The following ARHGAP6 variants were observed in gnomAD, a reference collection of about 807,000 sequenced individuals.
The protein encoded by ARHGAP6 is Rho GTPase activating protein 6.
In ARHGAP6, 16 loss-of-function variants were observed where a neutral mutation model predicts 55.7. The observed-to-expected ratio is 0.29, with a 90% CI of 0.19 to 0.44. The LOEUF is 0.44. Among genes scored for constraint, ARHGAP6 ranks in the 20% least tolerant of loss-of-function variants. The probability of loss-of-function intolerance (pLI) is 1.00; values close to 1 mark genes in which losing one functional copy is unlikely to be tolerated. For missense variants in ARHGAP6, 698 were observed against 808.9 expected (o/e 0.86, Z 1.66); for synonymous variants, 382 against 360.9 (o/e 1.06, Z -0.66).
intron 1 of ARHGAP6, among the ~76,000 whole-genome samples, chrX:11,535,879 A>G (rs1398841894): frequency 9.0e-6 from 1 of 111,004 alleles, no homozygotes; most frequent in East Asian, 2.8e-4. Context: ...GGAATTTAAA[A>G]CTATATTGCT....
At chrX:11,561,142 T>A (rs767311315) in intron 1 of ARHGAP6, among the ~76,000 whole-genome samples, 71 of 112,115 alleles carry the variant, frequency 6.3e-4, no homozygotes, top group South Asian at 1.5e-3. Flanking sequence ...ACAGAAGATG[T>A]TTGCCAGCCC....
chrX:11,502,451 G>T (rs1485536034), intron 1 of ARHGAP6, among the ~76,000 whole-genome samples: 4 of 112,185 alleles, frequency 3.6e-5, no homozygotes, highest in African/African-American at 1.3e-4. Context: ...ACAAAGTGAG[G>T]TGTGTATTAT....
At chrX:11,451,005 G>C (rs1417905691) in intron 1 of ARHGAP6, among the ~76,000 whole-genome samples, 4 of 111,445 alleles carry the variant, frequency 3.6e-5, no homozygotes, top group Non-Finnish European at 7.5e-5. Flanking sequence ...GTGCAGGTGA[G>C]AGACCCCAGC....
chrX:11,555,646 C>T (rs1013272177), intron 1 of ARHGAP6, among the ~76,000 whole-genome samples: 3 of 110,639 alleles, frequency 2.7e-5, no homozygotes, highest in African/African-American at 9.9e-5. Flanking sequence ...ACTGGGGAGG[C>T]TGAGGTGGGA....
chrX:11,337,224 A>G (rs2048649626), intron 1 of ARHGAP6, among the ~76,000 whole-genome samples: 1 of 111,446 alleles, frequency 9.0e-6, no homozygotes, highest in Non-Finnish European at 1.9e-5. Flanking sequence ...ACAATATAAT[A>G]TTCAATTACA....
chrX:11,489,414 A>G (rs762185762), intron 1 of ARHGAP6, among the ~76,000 whole-genome samples: 28 of 112,713 alleles, frequency 2.5e-4, no homozygotes, highest in African/African-American at 9.0e-4. Flanking sequence ...TGTCTTCTTC[A>G]GCTTAGAGCA....
At chrX:11,262,517 C>T (rs1397522697) in intron 1 of ARHGAP6, among the ~76,000 whole-genome samples, 1 of 111,849 alleles carries the variant, frequency 8.9e-6, no homozygotes, top group African/African-American at 3.2e-5. Flanking sequence ...TCTCTAACTG[C>T]AGCATCTCTT....
At chrX:11,381,972 A>G (rs2049268171) in intron 1 of ARHGAP6, among the ~76,000 whole-genome samples, 1 of 112,118 alleles carries the variant, frequency 8.9e-6, no homozygotes, top group African/African-American at 3.2e-5. Flanking sequence ...CATTAATGTT[A>G]CATAAGACAT....
chrX:11,244,219 T>C lies in ARHGAP6; in HGVS notation c.748+10329A>G, dbSNP rs771085741. Among the ~76,000 whole-genome samples the C allele has an allele frequency of 1.2e-4, 14 of 112,309 alleles. No individual in the cohort carries two copies. In the South Asian group the frequency reaches 5.2e-3, roughly 42 times the overall value. On this transcript the variant is annotated intron_variant, in intron 2 of 12. Coordinates refer to ENST00000337414, the MANE Select transcript of ARHGAP6 (RefSeq NM_013427.3). ...TTCAAATTAGGGGTTGGCAAGCTTT[T>C]TTTCTGTAAAGATCCAGAGAATAAA...
At chrX:11,638,062 G>A (rs2052437034) in intron 1 of ARHGAP6, among the ~76,000 whole-genome samples, 1 of 111,505 alleles carries the variant, frequency 9.0e-6, no homozygotes, top group Admixed American at 9.6e-5. Flanking sequence ...GATAGAGATA[G>A]CTAATAACAC....
rs887846971 is a variant in ARHGAP6, at chrX:11,518,297, C to A, written c.588+145944G>T. Among the ~76,000 whole-genome samples the A allele has an allele frequency of 4.5e-5, 5 of 110,006 alleles. 1 individual carries two copies. Among genetic ancestry groups the A allele is most frequent in the Admixed American group, 2.9e-4 (3 of 10,238 alleles). On this transcript the variant is annotated intron_variant, in intron 1 of 12. Transcript: ENST00000337414. ...CTGTGACTACAGATGCATACCACCACACTTGGCTATTATTTTCAATTGTTT... is the reference window on the plus strand; with the variant it reads ...CTGTGACTACAGATGCATACCACCAAACTTGGCTATTATTTTCAATTGTTT...
At chrX:11,224,269 G>T in intron 2 of ARHGAP6, 1 of 199,879 alleles carries the variant, frequency 5.0e-6, no homozygotes, top group Non-Finnish European at 8.0e-6. Flanking sequence ...AGAAGGAGCC[G>T]AATACCCTTG....
chrX:11,627,058 C>CA (rs914106040), intron 1 of ARHGAP6, among the ~76,000 whole-genome samples: 10 of 110,626 alleles, frequency 9.0e-5, no homozygotes, highest in African/African-American at 2.3e-4. Flanking sequence ...ACATACCATA[C>CA]AAAAAAAATC....
chrX:11,568,151 C>G (rs1048233950), intron 1 of ARHGAP6, among the ~76,000 whole-genome samples: 3 of 111,067 alleles, frequency 2.7e-5, no homozygotes, highest in Non-Finnish European at 5.7e-5. Flanking sequence ...CAGGGAGGAC[C>G]TGGAAAAAAA....
intron 1 of ARHGAP6, among the ~76,000 whole-genome samples, chrX:11,452,231 TC>T (rs1441655788): frequency 8.9e-6 from 1 of 112,258 alleles, no homozygotes; most frequent in Non-Finnish European, 1.9e-5. Context: ...TACTGCAAGC[TC>T]CGCCTCCCAG....
intron 1 of ARHGAP6, among the ~76,000 whole-genome samples, chrX:11,623,078 A>C (rs924806126): frequency 3.6e-5 from 4 of 111,865 alleles, no homozygotes; most frequent in Admixed American, 2.9e-4. Context: ...TAAGACGAGG[A>C]AAATAAATAA....
At chrX:11,235,236 C>G (rs1187298981) in intron 2 of ARHGAP6, among the ~76,000 whole-genome samples, 4 of 113,202 alleles carry the variant, frequency 3.5e-5, no homozygotes, top group Admixed American at 2.8e-4. Flanking sequence ...GGACCAACAC[C>G]ACATGTAAGC....
At chrX:11,330,093 G>A (rs1051735126) in intron 1 of ARHGAP6, among the ~76,000 whole-genome samples, 1 of 113,001 alleles carries the variant, frequency 8.8e-6, no homozygotes, top group African/African-American at 3.2e-5. Flanking sequence ...TTTTAGCACT[G>A]ACTACATCCC....
intron 2 of ARHGAP6, among the ~76,000 whole-genome samples, chrX:11,249,796 C>A (rs2047399521): frequency 9.0e-6 from 1 of 111,387 alleles, no homozygotes; most frequent in Non-Finnish European, 1.9e-5. Context: ...ATTTGCTTAT[C>A]TGTCAGAGAT....
Sources: allele counts gnomAD v4.1 joint callset (sites outside exome capture counted in the v4.1 genomes callset), GRCh38; gene constraint gnomAD v4.1.1; transcripts MANE v1.5; gene names NCBI Gene and HGNC (gene_info 2026-07-23, HGNC 2026-07-21).